SLC38A6: variants seen among roughly 807,000 people sequenced by gnomAD.
The protein encoded by SLC38A6 is solute carrier family 38 member 6.
In SLC38A6, 73 loss-of-function variants were observed where a neutral mutation model predicts 65.0. That is an observed-to-expected ratio of 1.12 (90% confidence interval 0.93 to 1.37). The LOEUF is 1.37. SLC38A6 is among the 40% of genes most tolerant of loss of function. The pLI is 0.00. For missense variants in SLC38A6, 561 were observed against 531.1 expected (o/e 1.06, Z -0.55); for synonymous variants, 183 against 178.8 (o/e 1.02, Z -0.19).
chr14:60,994,317 G>C (rs984763170), intron 3 of SLC38A6, among the ~76,000 whole-genome samples: 1 of 152,150 alleles, frequency 6.6e-6, no homozygotes, highest in Non-Finnish European at 1.5e-5. Context: ...AGGCCAAGGC[G>C]GGCGGATCAC....
intron 6 of SLC38A6, among the ~76,000 whole-genome samples, chr14:61,031,888 C>T (rs988110434): frequency 6.6e-6 from 1 of 151,878 alleles, no homozygotes; most frequent in African/African-American, 2.4e-5. Flanking sequence ...TCAATAATCT[C>T]AGGAACTTAA....
intron 3 of SLC38A6, among the ~76,000 whole-genome samples, chr14:60,997,437 C>T (rs1020395858): frequency 6.6e-5 from 10 of 152,206 alleles, no homozygotes; most frequent in African/African-American, 2.4e-4. Context: ...TAGATGTGAG[C>T]CACTGCCTGG....
intron 10 of SLC38A6, among the ~76,000 whole-genome samples, chr14:61,044,386 G>T (rs527936777): frequency 6.6e-6 from 1 of 152,114 alleles, no homozygotes; most frequent in South Asian, 2.1e-4. Context: ...TCCAGGTGCC[G>T]TAAAGATCTA....
chr14:61,047,554 G>A (rs1356064551), intron 12 of SLC38A6, among the ~76,000 whole-genome samples: 1 of 152,052 alleles, frequency 6.6e-6, no homozygotes, highest in African/African-American at 2.4e-5. Context: ...TTACTGTGTT[G>A]TCTACTCAGA....
At chr14:61,019,622 G>A in intron 5 of SLC38A6, 42 bp downstream of exon 5, 12 of 1,578,368 alleles carry the variant, frequency 7.6e-6, no homozygotes, top group Non-Finnish European at 1.0e-5. Flanking sequence ...AAATGTGATG[G>A]CAATAATGTC....
rs763875381 is a variant in SLC38A6 at position 61,052,397 on chromosome 14, G to T, written c.1339G>T (p.Ala447Ser). The T allele has an allele frequency of 4.4e-6, 7 of 1,582,038 alleles. No individual in the cohort carries two copies. The South Asian group carries it at 8.4e-5, about 19-fold the overall frequency. ...AATTTTGGTTGGGAATTTTAGTTTAGCACTCATCATTTTTGATTGGATTAA... is the reference window on the plus strand; with the variant it reads ...AATTTTGGTTGGGAATTTTAGTTTATCACTCATCATTTTTGATTGGATTAA... ...FGILVGNFSLALIIFDWINK is the reference protein window; with the variant it reads ...FGILVGNFSLSLIIFDWINK The change falls in exon 16 of 16, where the codon GCA becomes TCA. Residue 447 changes from alanine to serine, a missense_variant. By Grantham distance (99) the Ala-to-Ser change is moderately conservative (BLOSUM62 1). Transcript: ENST00000267488.
In SLC38A6 at chr14:60,982,622, G is replaced by C. The variant is rs746907758; in HGVS notation, c.220G>C (p.Gly74Arg). The C allele has an allele frequency of 1.2e-6, 2 of 1,608,474 alleles. No individual in the cohort carries two copies. The highest frequency in any genetic ancestry group is 1.7e-6 in the Non-Finnish European group (2 of 1,178,570). ...CTTAGCTTATGTTTTGGCTAATACCGGTGTCTTTGGATTTAGGTGAGTCTT... is the reference window on the plus strand; with the variant it reads ...CTTAGCTTATGTTTTGGCTAATACCCGTGTCTTTGGATTTAGGTGAGTCTT... ...LGLAYVLANTGVFGFSFLLLT... is the reference protein window; with the variant it reads ...LGLAYVLANTRVFGFSFLLLT... Residue 74 changes from glycine to arginine, a missense_variant, in exon 2 of 16, where the codon GGT (glycine) becomes CGT (arginine). Transcript: ENST00000267488.
chr14:61,046,020 A>G lies in SLC38A6; in HGVS notation c.825-47A>G, dbSNP rs1841129960. On this transcript the variant is annotated intron_variant, in intron 11 of 15. Transcript: ENST00000267488. The stretch of plus-strand genomic sequence containing the variant: ...GCTTAGGACATACTTGTTTCTTTAC[A>G]TATAATTCAGATCACTTATTCTACC... The G allele has an allele frequency of 3.4e-6, 4 of 1,187,780 alleles. No individual in the cohort carries two copies. The East Asian group carries it at 7.1e-5, about 21-fold the overall frequency. 73.6% of individuals were successfully genotyped at this position (1,187,780 alleles called of 1,614,324 possible).
At chr14:61,044,772 T>C (rs1203146074) in intron 10 of SLC38A6, among the ~76,000 whole-genome samples, 9 of 152,184 alleles carry the variant, frequency 5.9e-5, no homozygotes, top group Non-Finnish European at 8.8e-5. Flanking sequence ...ACATTGGATC[T>C]CTTAAGAGTT....
chr14:61,038,089 T>A (rs1367957192), intron 8 of SLC38A6, among the ~76,000 whole-genome samples: 2 of 152,144 alleles, frequency 1.3e-5, no homozygotes, highest in African/African-American at 4.8e-5. Flanking sequence ...AAAACAGAGC[T>A]TCTGGTACTA....
chr14:61,083,581 C>T lies in SLC38A6; in HGVS notation c.1435C>T (p.Gln479Ter). The T allele has an allele frequency of 2.6e-6, 4 of 1,550,468 alleles. No individual in the cohort carries two copies. Among genetic ancestry groups the T allele is most frequent in the Non-Finnish European group, 3.5e-6 (4 of 1,146,946 alleles). The change falls in exon 17 of 17, where the codon CAG (glutamine) becomes TAG (stop). Residue 479 changes from glutamine (Q) to a stop codon, truncating the protein, a stop_gained. Coordinates refer to the SLC38A6 transcript ENST00000354886. LOFTEE classifies it low-confidence loss of function (END_TRUNC). ...AAGAGATACCATGGAGATGTGCACCCAGAGGAAAGGCCACGCAAGGACACA... is the reference window on the plus strand; with the variant it reads ...AAGAGATACCATGGAGATGTGCACCTAGAGGAAAGGCCACGCAAGGACACA...
intron 15 of SLC38A6, among the ~76,000 whole-genome samples, chr14:61,066,183 C>T (rs2043012588): frequency 6.6e-6 from 1 of 152,110 alleles, no homozygotes; most frequent in Non-Finnish European, 1.5e-5. Flanking sequence ...ATTTATTCTT[C>T]TGATAATCTT....
chr14:61,015,580 C>G (rs2039950630), intron 3 of SLC38A6, among the ~76,000 whole-genome samples: 1 of 152,246 alleles, frequency 6.6e-6, no homozygotes, highest in Non-Finnish European at 1.5e-5. Flanking sequence ...TAAAAACCGT[C>G]ACTACTGAGA....
chr14:61,031,462 T>C (rs1271545830), intron 6 of SLC38A6, among the ~76,000 whole-genome samples: 2 of 152,116 alleles, frequency 1.3e-5, no homozygotes, highest in Non-Finnish European at 2.9e-5. Flanking sequence ...AAGAAAAGTG[T>C]GGTGTACTTT....
Position 61,017,302 on chromosome 14 carries a change from C to T in SLC38A6, c.363+1346C>T, listed in dbSNP as rs10145977. 3.1e-4 allele frequency among the ~76,000 whole-genome samples: 47 copies of T among 152,170 alleles called. No homozygotes were observed. The East Asian group carries it at 7.9e-3, about 26-fold the overall frequency. On this transcript the variant is annotated intron_variant, in intron 4 of 15. Transcript: ENST00000267488. ...TGATCCACCTGCCTCGGCCTCCCAA[C>T]GTGCTGGGATTACAGCGTTAGCCAC...
At chr14:61,051,606 A>G (rs2042510200) in intron 13 of SLC38A6, among the ~76,000 whole-genome samples, 181 bp from the exon 14 acceptor site, 1 of 152,170 alleles carries the variant, frequency 6.6e-6, no homozygotes. Flanking sequence ...TTACACAGAA[A>G]GGGTTAGTAT....
intron 8 of SLC38A6, among the ~76,000 whole-genome samples, chr14:61,040,169 C>G (rs905358078): frequency 9.2e-5 from 14 of 151,534 alleles, no homozygotes; most frequent in African/African-American, 3.2e-4. Context: ...TCCAGTTAGA[C>G]AACTTTTTTT....
At chr14:61,062,173 A>G (rs1286263826) in intron 15 of SLC38A6, among the ~76,000 whole-genome samples, 1 of 152,276 alleles carries the variant, frequency 6.6e-6, no homozygotes, top group Non-Finnish European at 1.5e-5. Flanking sequence ...AGCTTATTTG[A>G]GTAAATACCA....
chr14:60,995,381 T>C (rs189269736), intron 3 of SLC38A6, among the ~76,000 whole-genome samples: 7 of 152,302 alleles, frequency 4.6e-5, no homozygotes, highest in Admixed American at 4.6e-4. Context: ...GGAAAAATAC[T>C]GCATGATCTC....
Sources: gnomAD v4.1 joint callset for allele counts (sites outside exome capture counted in the v4.1 genomes callset) on GRCh38, gnomAD v4.1.1 for gene constraint, MANE v1.5 for transcripts, NCBI Gene and HGNC (gene_info 2026-07-23, HGNC 2026-07-21) for gene names.